The following THSD7B variants were observed in gnomAD, a reference collection of about 807,000 sequenced individuals.
THSD7B encodes the protein thrombospondin type 1 domain containing 7B.
THSD7B carries 138 observed loss-of-function variants against 213.6 expected under a neutral mutation model. The observed-to-expected ratio is 0.65, with a 90% CI of 0.56 to 0.74. THSD7B has a LOEUF of 0.74. Among genes scored for constraint, THSD7B ranks in the 30% least tolerant of loss-of-function variants. The pLI, the probability that THSD7B is intolerant of heterozygous loss-of-function variation, is 0.00. For synonymous variants in THSD7B, 742 were observed against 687.0 expected (o/e 1.08, Z -1.25); for missense variants, 1,931 against 1,991.5 (o/e 0.97, Z 0.58).
At chr2:137,055,133 A>AGTATT (rs1573792268) in intron 2 of THSD7B, among the ~76,000 whole-genome samples, 1 of 152,172 alleles carries the variant, frequency 6.6e-6, no homozygotes, top group Non-Finnish European at 1.5e-5. Context: ...ATGGCTGCAT[A>AGTATT]GTATTCCATG....
At chr2:137,270,060 G>A (rs944627099) in intron 10 of THSD7B, among the ~76,000 whole-genome samples, 3 of 152,136 alleles carry the variant, frequency 2.0e-5, no homozygotes, top group Non-Finnish European at 4.4e-5. Context: ...GTTGATGGAG[G>A]GAGAAACATT....
intron 10 of THSD7B, among the ~76,000 whole-genome samples, chr2:137,252,323 A>G (rs1225897052): frequency 1.3e-5 from 2 of 151,628 alleles, no homozygotes; most frequent in Admixed American, 6.6e-5. Flanking sequence ...GGAATTTATA[A>G]CAGATCTGGC....
chr2:137,412,487 C>T (rs962177489), intron 14 of THSD7B, among the ~76,000 whole-genome samples: 2 of 139,024 alleles, frequency 1.4e-5, no homozygotes, highest in African/African-American at 5.0e-5. Flanking sequence ...GTAATCCCAG[C>T]TACTCGGGAG....
At chr2:137,650,699 T>G (rs1447162462) in intron 21 of THSD7B, among the ~76,000 whole-genome samples, 3 of 152,238 alleles carry the variant, frequency 2.0e-5, no homozygotes, top group Non-Finnish European at 2.9e-5. Flanking sequence ...CTCCATTCAA[T>G]ACAATGTTAG....
At chr2:137,584,776 G>T (rs573866487) in intron 17 of THSD7B, among the ~76,000 whole-genome samples, 1 of 152,284 alleles carries the variant, frequency 6.6e-6, no homozygotes, top group African/African-American at 2.4e-5. Flanking sequence ...ATGTTCATAA[G>T]GGATATTGGT....
intron 2 of THSD7B, among the ~76,000 whole-genome samples, chr2:136,968,791 T>C (rs557354277): frequency 6.6e-6 from 1 of 152,244 alleles, no homozygotes; most frequent in South Asian, 2.1e-4. Context: ...AGCAATAGCC[T>C]TTAAACTTTT....
At chr2:136,866,689 G>A (rs1265720908) in intron 1 of THSD7B, among the ~76,000 whole-genome samples, 3 of 152,156 alleles carry the variant, frequency 2.0e-5, no homozygotes, top group Admixed American at 2.0e-4. Flanking sequence ...ATGGTTACAC[G>A]CAGAAAAGCG....
chr2:137,451,401 T>C lies in THSD7B; in HGVS notation c.3138+378T>C, dbSNP rs559818586. Among the ~76,000 whole-genome samples, 7 of 152,032 alleles carry C rather than the reference T, an allele frequency of 4.6e-5. No individual in the cohort carries two copies. The East Asian group carries it at 7.7e-4, about 17-fold the overall frequency. ...AATAATGTTGGGAGAGTATCACTTATGTCATGGCAATATGATTAGTGGTCT... is the reference window on the plus strand; with the variant it reads ...AATAATGTTGGGAGAGTATCACTTACGTCATGGCAATATGATTAGTGGTCT... On this transcript the variant is annotated intron_variant, in intron 15 of 27. Coordinates refer to ENST00000409968, the MANE Select transcript of THSD7B (RefSeq NM_001316349.2).
intron 16 of THSD7B, among the ~76,000 whole-genome samples, chr2:137,567,133 C>CTTT (rs375626531): frequency 7.3e-6 from 1 of 137,680 alleles, no homozygotes; most frequent in Non-Finnish European, 1.6e-5. Flanking sequence ...GTGACATGCT[C>CTTT]TATTTTATTT....
chr2:137,228,512 A>G (rs887951086), intron 7 of THSD7B, among the ~76,000 whole-genome samples: 4 of 152,184 alleles, frequency 2.6e-5, no homozygotes, highest in Non-Finnish European at 5.9e-5. Flanking sequence ...AGTCTAGATC[A>G]TTTGGAATTT....
intron 2 of THSD7B, among the ~76,000 whole-genome samples, chr2:136,924,523 C>T (rs1023705401): frequency 3.9e-5 from 6 of 152,062 alleles, no homozygotes; most frequent in African/African-American, 1.4e-4. Context: ...GTTCTCTGTT[C>T]CACTGGGGGA....
rs1681156228 is a variant in THSD7B at position 137,563,105 on chromosome 2, T to G, written c.3139-116T>G. The G allele has an allele frequency of 3.5e-6, 4 of 1,130,676 alleles. 1 individual carries two copies. The South Asian group carries it at 8.0e-5, about 23-fold the overall frequency. The allele number at this position is 1,130,676 out of a possible 1,614,324, so 70.0% of individuals were successfully genotyped here. A position where few individuals can be genotyped will look rare whatever the true frequency, so the allele number is the denominator to read the frequency against. On this transcript the variant is annotated intron_variant, in intron 15 of 27. Coordinates refer to ENST00000409968, the MANE Select transcript of THSD7B (RefSeq NM_001316349.2). ...CTTTTTTGGGAAAGTAATTTGGCTG[T>G]TTGGGCCAGAGTGCAGTTTCTTGGG...
chr2:137,665,889 A>G (rs955022752), intron 26 of THSD7B, among the ~76,000 whole-genome samples: 6 of 151,620 alleles, frequency 4.0e-5, no homozygotes, highest in African/African-American at 1.5e-4. Flanking sequence ...GAAAAAGTAC[A>G]AATCAAAGTG....
Position 137,465,831 on chromosome 2 carries a change from G to A in THSD7B, c.3138+14808G>A, listed in dbSNP as rs1687981783. Among the ~76,000 whole-genome samples the A allele has an allele frequency of 2.0e-5, 3 of 152,104 alleles. 1 individual carries two copies. The South Asian group carries it at 6.2e-4, about 32-fold the overall frequency. On this transcript the variant is annotated intron_variant, in intron 15 of 27. Coordinates refer to ENST00000409968, the MANE Select transcript of THSD7B (RefSeq NM_001316349.2). Reference sequence around the variant, plus strand: ...GTCAAGTGGCATTTACCATGAGCAAGTAATCTCTTTTGGAAGATGGTTTAA... The same window carrying A: ...GTCAAGTGGCATTTACCATGAGCAAATAATCTCTTTTGGAAGATGGTTTAA...
intron 20 of THSD7B, among the ~76,000 whole-genome samples, chr2:137,635,022 A>T (rs1222574498): frequency 6.6e-6 from 1 of 152,118 alleles, no homozygotes; most frequent in Admixed American, 6.6e-5. Flanking sequence ...GCTAGTGATT[A>T]TTGCTCATAT....
At chr2:137,001,866 TTC>T (rs1686006304) in intron 2 of THSD7B, among the ~76,000 whole-genome samples, 1 of 152,156 alleles carries the variant, frequency 6.6e-6, no homozygotes, top group African/African-American at 2.4e-5. Context: ...GCATTTCACT[TTC>T]TCTGTTCTTT....
In THSD7B at chr2:137,404,968, C is replaced by A. The variant is rs562028947; in HGVS notation, c.2501-645C>A. The stretch of plus-strand genomic sequence containing the variant: ...CATCTCCGCTAAAGAATTTGTGTAA[C>A]CAAATACCACCTGTACCCCAATAAC... On this transcript the variant is annotated intron_variant, in intron 12 of 27. Transcript: ENST00000409968. Among the ~76,000 whole-genome samples the A allele has an allele frequency of 2.6e-5, 4 of 151,524 alleles. No individual in the cohort carries two copies. In the South Asian group the frequency reaches 6.3e-4, roughly 24 times the overall value.
At chr2:137,584,729 T>G (rs539141903) in intron 17 of THSD7B, among the ~76,000 whole-genome samples, 46 of 152,316 alleles carry the variant, frequency 3.0e-4, no homozygotes, top group Admixed American at 9.1e-4. Context: ...GCTGCTGGAT[T>G]CGGTTTGCAA....
chr2:137,432,315 T>TG (rs1687205375), intron 14 of THSD7B, among the ~76,000 whole-genome samples: 1 of 152,188 alleles, frequency 6.6e-6, no homozygotes. Context: ...CGCTTGAATT[T>TG]GGGAGTCGGA....
Sources: gnomAD v4.1 joint callset for allele counts (sites outside exome capture counted in the v4.1 genomes callset) on GRCh38, gnomAD v4.1.1 for gene constraint, MANE v1.5 for transcripts, NCBI Gene and HGNC (gene_info 2026-07-23, HGNC 2026-07-21) for gene names.